The following PDCL variants were observed in gnomAD, a reference collection of about 807,000 sequenced individuals.
The protein encoded by PDCL is phosducin-like protein.
PDCL carries 11 observed loss-of-function variants against 26.7 expected under a neutral mutation model. That is an observed-to-expected ratio of 0.41 (90% CI 0.26 to 0.68). PDCL has a LOEUF of 0.68. Among genes scored for constraint, PDCL ranks in the 30% least tolerant of loss-of-function variants. The probability of loss-of-function intolerance (pLI) is 0.30; values close to 1 mark genes in which losing one functional copy is unlikely to be tolerated. For synonymous variants in PDCL, 118 were observed against 134.9 expected, an observed-to-expected ratio of 0.87 and a Z score of 0.87; for missense variants, 330 against 371.6, an observed-to-expected ratio of 0.89 and a Z score of 0.92.
intron 3 of PDCL, among the ~76,000 whole-genome samples, chr9:122,821,537 G>A (rs895606481): frequency 2.0e-5 from 3 of 152,002 alleles, no homozygotes; most frequent in Admixed American, 6.6e-5. Flanking sequence ...ACCTGCTTTC[G>A]AGACTTAGCA....
chr9:122,821,720 G>T (rs905303391), intron 3 of PDCL, among the ~76,000 whole-genome samples: 1 of 152,078 alleles, frequency 6.6e-6, no homozygotes, highest in African/African-American at 2.4e-5. Flanking sequence ...GTGATGATAT[G>T]ATGTTGCCTC....
Position 122,826,733 on chromosome 9 carries a change from T to G in PDCL, c.55A>C (p.Ser19Arg). The change falls in exon 2 of 4, where the codon AGC becomes CGC. Residue 19 changes from serine to arginine, a missense_variant. Ser to Arg is a moderately radical substitution (Grantham distance 110, BLOSUM62 -1). Coordinates refer to ENST00000259467, the MANE Select transcript of PDCL (RefSeq NM_005388.5). Reference sequence around the variant, plus strand: ...TGGTCACTGTCCTCATCCTCACTGCTGCTATAGTAGTACTGCAGTTTCTCC... The same window carrying G: ...TGGTCACTGTCCTCATCCTCACTGCGGCTATAGTAGTACTGCAGTTTCTCC... The part of the protein sequence containing the change: ...LGEKLQYYYS[S>R]SEDEDSDHED... 1 of 1,614,160 alleles carries G rather than the reference T, an allele frequency of 6.2e-7. No homozygotes were observed. Among genetic ancestry groups the G allele is most frequent in the Non-Finnish European group, 8.5e-7 (1 of 1,180,008 alleles).
At chr9:122,824,205 G>C (rs1200975581) in intron 2 of PDCL, among the ~76,000 whole-genome samples, 1 of 152,174 alleles carries the variant, frequency 6.6e-6, no homozygotes, top group African/African-American at 2.4e-5. Context: ...TATGTGACTT[G>C]TGGTACCTCC....
chr9:122,825,502 A>C (rs1282159447), intron 2 of PDCL, among the ~76,000 whole-genome samples: 1 of 152,198 alleles, frequency 6.6e-6, no homozygotes, highest in Non-Finnish European at 1.5e-5. Flanking sequence ...CCCTTTATAA[A>C]GTAGGGTGAA....
At position 122,823,008 on chromosome 9, in the gene PDCL, C is replaced by T. The variant is rs945879584; in HGVS notation, c.354+8G>A. On this transcript the variant is annotated splice_region_variant and intron_variant, in intron 3 of 3. Transcript: ENST00000259467. ...GACTCTAAGAAAAGCCTGAGTACTG[C>T]TAATTACCTTCCCACTGATCTTCTC... The T allele has an allele frequency of 6.2e-7, 1 of 1,613,326 alleles. No individual in the cohort carries two copies. The highest frequency in any genetic ancestry group is 8.5e-7 in the Non-Finnish European group (1 of 1,179,262).
chr9:122,825,165 CT>C (rs779305224), intron 2 of PDCL, among the ~76,000 whole-genome samples: 323 of 145,068 alleles, frequency 2.2e-3, no homozygotes, highest in Non-Finnish European at 2.2e-3. Flanking sequence ...ATAGGAGAAT[CT>C]TTTTTTTTTT....
intron 1 of PDCL, among the ~76,000 whole-genome samples, chr9:122,828,027 G>C (rs1035271011): frequency 3.3e-5 from 5 of 152,196 alleles, no homozygotes; most frequent in African/African-American, 1.2e-4. Flanking sequence ...GTCAACGGGA[G>C]AATCGGAGGA....
At chr9:122,828,068 A>G (rs1829651103) in intron 1 of PDCL, among the ~76,000 whole-genome samples, 1 of 152,156 alleles carries the variant, frequency 6.6e-6, no homozygotes, top group African/African-American at 2.4e-5. Context: ...GGAGACAGGG[A>G]TCATGGAGAG....
intron 2 of PDCL, 93 bp downstream of exon 2, chr9:122,826,523 T>A: frequency 9.0e-7 from 1 of 1,112,164 alleles, no homozygotes; most frequent in Non-Finnish European, 1.2e-6. Context: ...TTAAAAGTGA[T>A]CAGGAGAATT....
At chr9:122,823,760 T>C (rs1829585084) in intron 2 of PDCL, among the ~76,000 whole-genome samples, 1 of 149,342 alleles carries the variant, frequency 6.7e-6, no homozygotes, top group Admixed American at 6.7e-5. Flanking sequence ...TGTACTTCTA[T>C]ATTATCTGAA....
At chr9:122,828,260 G>A (rs975420355) in intron 1 of PDCL, among the ~76,000 whole-genome samples, 1 of 152,128 alleles carries the variant, frequency 6.6e-6, no homozygotes, top group Non-Finnish European at 1.5e-5. Flanking sequence ...GCCCCCGGAC[G>A]GGAAGCAGAG....
rs1829632194 is a variant in PDCL at position 122,826,633 on chromosome 9, C to G, written c.155G>C (p.Gly52Ala). 6.2e-7 allele frequency: 1 copy of G among 1,614,076 alleles called. No homozygotes were observed. Among genetic ancestry groups the G allele is most frequent in the Admixed American group, 1.7e-5 (1 of 60,012 alleles). ...CTCAGTACCTGTGTTAACTGAGATG[C>G]CTTCGCCTGCCAGCTCAGCCTCTGC... is the stretch of plus-strand genomic sequence containing the variant. ...VPAEAELAGEGISVNTGPKGV... is the reference protein window; with the variant it reads ...VPAEAELAGEAISVNTGPKGV... The change falls in exon 2 of 4, where the codon GGC becomes GCC. Residue 52 changes from glycine to alanine, a missense_variant. Physicochemically the swap from Gly to Ala is moderately conservative, Grantham distance 60. Coordinates refer to ENST00000259467, the MANE Select transcript of PDCL (RefSeq NM_005388.5).
chr9:122,820,552 C>A lies in PDCL; in HGVS notation c.439G>T (p.Glu147Ter). The A allele has an allele frequency of 6.2e-7, 1 of 1,614,178 alleles. No homozygotes were observed. Among genetic ancestry groups the A allele is most frequent in the Non-Finnish European group, 8.5e-7 (1 of 1,180,026 alleles). ...LQQYRKQRME[E>*]MRQQLHKGPQ... ...CCCTTGTGAAGCTGCTGCCGCATCT[C>A]TTCCATTCGCTGCTTCCGGTACTGC... is the stretch of plus-strand genomic sequence containing the variant. The change falls in exon 4 of 4, where the codon GAG becomes TAG. Residue 147 changes from glutamate to a stop codon, truncating the protein, a stop_gained. Transcript: ENST00000259467. LOFTEE classifies it high-confidence loss of function.
intron 1 of PDCL, 137 bp from the exon 2 acceptor site, chr9:122,826,929 T>A: frequency 1.4e-6 from 1 of 734,208 alleles, no homozygotes; most frequent in Non-Finnish European, 2.3e-6. Context: ...ACCAAAATCT[T>A]AACAAATCCC....
intron 2 of PDCL, among the ~76,000 whole-genome samples, chr9:122,826,157 T>A (rs780197996): frequency 1.3e-5 from 2 of 152,042 alleles, no homozygotes; most frequent in Admixed American, 6.6e-5. Flanking sequence ...CTACAATGAA[T>A]TACTACAATA....
chr9:122,828,295 G>C (rs1380352225), intron 1 of PDCL, among the ~76,000 whole-genome samples, 176 bp downstream of exon 1: 1 of 152,104 alleles, frequency 6.6e-6, no homozygotes, highest in Non-Finnish European at 1.5e-5. Flanking sequence ...TTTGGGGGAA[G>C]GCTGGAAGGG....
At chr9:122,824,805 G>GA (rs1396220219) in intron 2 of PDCL, among the ~76,000 whole-genome samples, 1 of 152,052 alleles carries the variant, frequency 6.6e-6, no homozygotes, top group African/African-American at 2.4e-5. Flanking sequence ...ATTTCCTTTG[G>GA]AAAAAATAAA....
At chr9:122,827,552 T>C (rs536536390) in intron 1 of PDCL, among the ~76,000 whole-genome samples, 1 of 152,134 alleles carries the variant, frequency 6.6e-6, no homozygotes, top group East Asian at 1.9e-4. Context: ...TTGTCTCTAC[T>C]AGTAAAAGCA....
At chr9:122,822,068 G>C (rs749011718) in intron 3 of PDCL, among the ~76,000 whole-genome samples, 7 of 152,138 alleles carry the variant, frequency 4.6e-5, no homozygotes, top group Non-Finnish European at 1.0e-4. Context: ...CTTTGGCTAA[G>C]TGTAATGTCC....
Sources: gnomAD v4.1 joint callset for allele counts (sites outside exome capture counted in the v4.1 genomes callset) on GRCh38, gnomAD v4.1.1 for gene constraint, MANE v1.5 for transcripts, NCBI Gene and HGNC (gene_info 2026-07-23, HGNC 2026-07-21) for gene names.